The following CAPN1 variants were observed in gnomAD, a reference collection of about 807,000 sequenced individuals.
CAPN1 encodes calpain-1 catalytic subunit.
In CAPN1, 77 loss-of-function variants were observed where a neutral mutation model predicts 105.2. The observed-to-expected ratio is 0.73, with a 90% CI of 0.61 to 0.88. The LOEUF (loss-of-function observed/expected upper bound fraction) is 0.88. CAPN1 is among the 40% of genes least tolerant of loss of function. The pLI is 0.00. For synonymous variants in CAPN1, 355 were observed against 388.8 expected (o/e 0.91, Z 1.02); for missense variants, 833 against 976.6 (o/e 0.85, Z 1.96).
At position 65,206,681 on chromosome 11, in the gene CAPN1, C is replaced by A; in HGVS notation, c.1565+7C>A. The A allele has an allele frequency of 1.2e-6, 2 of 1,612,476 alleles. No individual in the cohort carries two copies. The highest frequency in any genetic ancestry group is 1.7e-6 in the Non-Finnish European group (2 of 1,179,306). ...AGAAGAGTGCTGGGACTGTGTGAGT[C>A]ATGGACTGGCCCCTGCCACTCTCCC... On this transcript the variant is annotated splice_region_variant and intron_variant, in intron 13 of 21. Coordinates refer to ENST00000279247, the MANE Select transcript of CAPN1 (RefSeq NM_005186.4).
In CAPN1 at chr11:65,190,065, C is replaced by T. The variant is rs376645585; in HGVS notation, c.1165+1319C>T. On this transcript the variant is annotated intron_variant, in intron 10 of 21. Transcript: ENST00000279247. ...GGGGACCCCCACGTCTGCTCCAGAT[C>T]CCATTCTCCCTCACCTCTGAAAGCA... is the stretch of plus-strand genomic sequence containing the variant. 7.2e-5 allele frequency among the ~76,000 whole-genome samples: 11 copies of T among 152,284 alleles called. 1 individual carries two copies. The South Asian group carries it at 2.1e-3, about 29-fold the overall frequency.
In CAPN1 at chr11:65,188,253, C is replaced by T. The variant is rs2137325402; in HGVS notation, c.930-161C>T. On this transcript the variant is annotated intron_variant, in intron 8 of 21. Coordinates refer to ENST00000279247, the MANE Select transcript of CAPN1 (RefSeq NM_005186.4). The surrounding 1 kb of genome is among the most constrained non-coding windows in gnomAD (Gnocchi z 5.5). ...GGGTGTGTGCAGGGCATCAGACTGG[C>T]CCTGATGAGACCACCCCCTAGAAGC... is the stretch of plus-strand genomic sequence containing the variant. 2.8e-6 allele frequency: 2 copies of T among 711,686 alleles called. No homozygotes were observed. The highest frequency in any genetic ancestry group is 3.7e-5 in the South Asian group (2 of 54,428). The allele number at this position is 711,686 out of a possible 1,614,324, so 44.1% of individuals were successfully genotyped here.
In CAPN1 at chr11:65,204,868, G is replaced by A. The variant is rs372315744; in HGVS notation, c.1341+10G>A. On this transcript the variant is annotated intron_variant, in intron 11 of 21. Transcript: ENST00000279247. ...CTTCGCGGTCTACGAGGTCAGGAGG[G>A]TGGATCACCGGTGGATCTCACTGAG... 5.6e-6 allele frequency: 9 copies of A among 1,597,738 alleles called. No homozygotes were observed. The highest frequency in any genetic ancestry group is 5.4e-5 in the African/African-American group (4 of 74,692).
rs1401623776 is a variant in CAPN1 at position 65,210,118 on chromosome 11, C to T, written c.1942+22C>T. 1 of 1,599,210 alleles carries T rather than the reference C, an allele frequency of 6.3e-7. No individual in the cohort carries two copies. The highest frequency in any genetic ancestry group is 2.2e-5 in the East Asian group (1 of 44,802). ...GCAGGTGAGACTCCAAGGCTGACGG[C>T]ACCTGTGGGGCCCAGGACAGGTAGC... On this transcript the variant is annotated intron_variant, in intron 19 of 21. Transcript: ENST00000279247. The surrounding 1 kb of genome is among the most constrained non-coding windows in gnomAD (Gnocchi z 4.3).
chr11:65,195,100 G>GGTTTT (rs1565403828), intron 10 of CAPN1, among the ~76,000 whole-genome samples: 6 of 90,908 alleles, frequency 6.6e-5, no homozygotes, highest in African/African-American at 1.0e-4. Context: ...GTTTTTTGGG[G>GGTTTT]TTTTTTTTTT....
chr11:65,191,724 T>C (rs1205453493), intron 10 of CAPN1, among the ~76,000 whole-genome samples: 1 of 152,206 alleles, frequency 6.6e-6, no homozygotes. Flanking sequence ...TAATGACAGA[T>C]TGTTTCTTCT....
chr11:65,204,817 T>G lies in CAPN1; in HGVS notation c.1300T>G (p.Phe434Val). The G allele has an allele frequency of 6.2e-7, 1 of 1,612,326 alleles. No individual in the cohort carries two copies. The highest frequency in any genetic ancestry group is 8.5e-7 in the Non-Finnish European group (1 of 1,179,340). Residue 434 changes from phenylalanine to valine, a missense_variant, in exon 11 of 22, where the codon TTC becomes GTC. By Grantham distance (50) the Phe-to-Val change is conservative (BLOSUM62 -1). Transcript: ENST00000279247. ...GAAGCACCGTCGCCGCGAGCGCCGCTTCGGCCGCGACATGGAGACTATTGG... is the reference window on the plus strand; with the variant it reads ...GAAGCACCGTCGCCGCGAGCGCCGCGTCGGCCGCGACATGGAGACTATTGG... The part of the protein sequence containing the change: ...MQKHRRRERR[F>V]GRDMETIGFA...
intron 10 of CAPN1, among the ~76,000 whole-genome samples, chr11:65,195,532 C>G (rs752984026): frequency 6.6e-6 from 1 of 152,176 alleles, no homozygotes; most frequent in African/African-American, 2.4e-5. Context: ...TGGTATATTA[C>G]ATTGATCAAC....
intron 10 of CAPN1, among the ~76,000 whole-genome samples, chr11:65,201,927 A>G (rs1488050952): frequency 1.3e-5 from 2 of 149,922 alleles, no homozygotes. Context: ...GGTTCAAGCG[A>G]TTTTCCTGCC....
At chr11:65,206,145 G>A (rs1948953726) in intron 12 of CAPN1, 2 of 530,418 alleles carry the variant, frequency 3.8e-6, no homozygotes, top group Middle Eastern at 5.0e-4. Flanking sequence ...CAGCAAATGA[G>A]GTGCCGAGTA....
chr11:65,182,721 C>T lies in CAPN1; in HGVS notation c.20C>T (p.Thr7Met), dbSNP rs376855071. 6.0e-5 allele frequency: 94 copies of T among 1,574,864 alleles called. No individual in the cohort carries two copies. Among genetic ancestry groups the T allele is most frequent in the African/African-American group, 4.4e-4 (33 of 74,170 alleles). Residue 7 changes from threonine (T) to methionine (M), a missense_variant, in exon 2 of 22, where the codon ACG becomes ATG. By Grantham distance (81) the Thr-to-Met change is moderately conservative. Coordinates refer to ENST00000279247, the MANE Select transcript of CAPN1 (RefSeq NM_005186.4). ...GGCAGGATGTCGGAGGAGATCATCA[C>T]GCCGGTGTACTGCACTGGGGTGTCA... MSEEII[T>M]PVYCTGVSAQ...
chr11:65,195,416 G>A (rs538735277), intron 10 of CAPN1, among the ~76,000 whole-genome samples: 2 of 152,236 alleles, frequency 1.3e-5, no homozygotes, highest in South Asian at 2.1e-4. Context: ...GTTAGCCACC[G>A]CGCCCGGCCA....
At chr11:65,197,558 CA>C (rs1349764077) in intron 10 of CAPN1, among the ~76,000 whole-genome samples, 2 of 151,976 alleles carry the variant, frequency 1.3e-5, no homozygotes, top group African/African-American at 4.8e-5. Context: ...TTCTTGTAAA[CA>C]GCACTAGCCA....
intron 10 of CAPN1, among the ~76,000 whole-genome samples, chr11:65,197,115 G>T (rs1948801689): frequency 6.6e-6 from 1 of 152,194 alleles, no homozygotes; most frequent in Admixed American, 6.5e-5. Flanking sequence ...GGATCCTGAA[G>T]TCTGTTCTCT....
intron 10 of CAPN1, among the ~76,000 whole-genome samples, chr11:65,191,174 T>C (rs1374675996): frequency 6.6e-6 from 1 of 152,250 alleles, no homozygotes; most frequent in Non-Finnish European, 1.5e-5. Context: ...ATGGTGTATC[T>C]CTTCATTTAT....
In CAPN1 at chr11:65,182,011, C is replaced by G. The variant is rs1948541617; in HGVS notation, c.-4C>G. ...CAGCGACCCCCAAACACCCCTCCCCCAGGTAAGAAGCTGGGTAGCCGAGCC... is the reference window on the plus strand; with the variant it reads ...CAGCGACCCCCAAACACCCCTCCCCGAGGTAAGAAGCTGGGTAGCCGAGCC... On this transcript the variant is annotated splice_region_variant and 5_prime_UTR_variant, in exon 1 of 22. Coordinates refer to ENST00000279247, the MANE Select transcript of CAPN1 (RefSeq NM_005186.4). 1 of 157,906 alleles carries G rather than the reference C, an allele frequency of 6.3e-6. No homozygotes were observed. Among genetic ancestry groups the G allele is most frequent in the African/African-American group, 2.4e-5 (1 of 41,492 alleles). 9.8% of individuals were successfully genotyped at this position (157,906 alleles called of 1,614,324 possible).
chr11:65,183,001 A>G lies in CAPN1; in HGVS notation c.267+33A>G, dbSNP rs17880328. The G allele has an allele frequency of 7.8e-3, 12,504 of 1,612,242 alleles. 807 individuals are homozygous for G. The African/African-American group carries it at 0.14, about 18-fold the overall frequency. ...GGGCCATCCTGGGTGGGACTCGGCT[A>G]AGCCAGATCCTGGATGAGGAGTAGG... On this transcript the variant is annotated intron_variant, in intron 2 of 21. Transcript: ENST00000279247.
In CAPN1 at chr11:65,182,922, G is replaced by A. The variant is rs201318945; in HGVS notation, c.221G>A (p.Gly74Asp). The change falls in exon 2 of 22, where the codon GGT becomes GAT. Residue 74 changes from glycine to aspartate, a missense_variant. Transcript: ENST00000279247. ...VPQSLGYKDL[G>D]PNSSKTYGIK... ...CAGAGCCTGGGTTACAAGGACCTGG[G>A]TCCCAATTCCTCCAAGACCTATGGC... 532 of 1,612,292 alleles carry A rather than the reference G, an allele frequency of 3.3e-4. No individual in the cohort carries two copies. Among genetic ancestry groups the A allele is most frequent in the Middle Eastern group, 3.0e-3 (18 of 6,056 alleles).
chr11:65,190,117 C>G (rs1337630883), intron 10 of CAPN1, among the ~76,000 whole-genome samples: 2 of 152,244 alleles, frequency 1.3e-5, no homozygotes, highest in Non-Finnish European at 2.9e-5. Flanking sequence ...TCACCTCTCT[C>G]TCCAGTGTCA....
Sources: gnomAD v4.1 joint callset for allele counts (sites outside exome capture counted in the v4.1 genomes callset) on GRCh38, gnomAD v4.1.1 for gene constraint, Gnocchi (gnomAD v3.1) non-coding constraint, MANE v1.5 for transcripts, NCBI Gene and HGNC (gene_info 2026-07-23, HGNC 2026-07-21) for gene names.